The following LRMDA variants were observed in gnomAD, a reference collection of about 807,000 sequenced individuals.
LRMDA encodes the protein leucine-rich melanocyte differentiation-associated protein.
Under a neutral mutation model 29.8 loss-of-function variants are expected in LRMDA, and 18 were observed. The ratio of observed to expected loss-of-function variants is 0.60; its 90% CI spans 0.42 to 0.90. The LOEUF is 0.90. LRMDA is among the 40% of genes least tolerant of loss of function. The pLI is 0.00. For missense variants in LRMDA, 273 were observed against 273.9 expected (o/e 1.00, Z 0.02); for synonymous variants, 125 against 109.4 (o/e 1.14, Z -0.89).
At chr10:76,110,357 A>G (rs973428490) in intron 5 of LRMDA, among the ~76,000 whole-genome samples, 2 of 152,190 alleles carry the variant, frequency 1.3e-5, no homozygotes, top group African/African-American at 4.8e-5. Context: ...CTGGACTATT[A>G]TAGTCCCCAA....
chr10:76,040,005 C>T (rs898466165), intron 3 of LRMDA, among the ~76,000 whole-genome samples: 12 of 152,242 alleles, frequency 7.9e-5, no homozygotes, highest in South Asian at 2.1e-4. Context: ...AATGGCATTC[C>T]GTGAGTTGGG....
At chr10:75,659,507 A>C (rs1370904021) in intron 2 of LRMDA, among the ~76,000 whole-genome samples, 1 of 152,202 alleles carries the variant, frequency 6.6e-6, no homozygotes, top group African/African-American at 2.4e-5. Flanking sequence ...AACACAGATG[A>C]ACCTGGAGGA....
At chr10:76,053,262 G>A (rs1848559492) in intron 4 of LRMDA, among the ~76,000 whole-genome samples, 2 of 152,138 alleles carry the variant, frequency 1.3e-5, no homozygotes, top group Admixed American at 1.3e-4. Flanking sequence ...AGCTGACAGA[G>A]GGATGTCATC....
At chr10:75,605,726 G>T (rs1840947755) in intron 2 of LRMDA, among the ~76,000 whole-genome samples, 1 of 152,230 alleles carries the variant, frequency 6.6e-6, no homozygotes, top group South Asian at 2.1e-4. Flanking sequence ...TCATGGTGAA[G>T]CTGGGACAGA....
intron 5 of LRMDA, among the ~76,000 whole-genome samples, chr10:76,140,006 T>G (rs2132148524): frequency 6.6e-6 from 1 of 152,220 alleles, no homozygotes; most frequent in South Asian, 2.1e-4. Flanking sequence ...TGACCCTGTT[T>G]GTGTCATCTT....
intron 6 of LRMDA, among the ~76,000 whole-genome samples, chr10:76,536,956 A>G (rs1398473839): frequency 6.6e-6 from 1 of 152,174 alleles, no homozygotes; most frequent in Non-Finnish European, 1.5e-5. Context: ...TTCTATATTA[A>G]TTAGCTGTCA....
intron 6 of LRMDA, among the ~76,000 whole-genome samples, chr10:76,487,841 C>G (rs1392253517): frequency 6.6e-6 from 1 of 151,862 alleles, no homozygotes; most frequent in Non-Finnish European, 1.5e-5. Context: ...GTGTTCTAGA[C>G]TCTATGCTTT....
intron 6 of LRMDA, among the ~76,000 whole-genome samples, chr10:76,544,960 G>A (rs1489637308): frequency 6.6e-6 from 1 of 152,072 alleles, no homozygotes; most frequent in Non-Finnish European, 1.5e-5. Context: ...TTCAGAGAAA[G>A]CAATTTAGGG....
intron 5 of LRMDA, among the ~76,000 whole-genome samples, chr10:76,180,668 C>G (rs1305987392): frequency 1.7e-4 from 26 of 152,100 alleles, no homozygotes; most frequent in Non-Finnish European, 3.4e-4. Flanking sequence ...AATGCCTGAA[C>G]CCCAGAATGG....
chr10:75,579,760 G>T (rs1488252722), intron 2 of LRMDA, among the ~76,000 whole-genome samples: 1 of 152,230 alleles, frequency 6.6e-6, no homozygotes, highest in Non-Finnish European at 1.5e-5. Flanking sequence ...TGCAAGGCTA[G>T]TTCAACATAC....
chr10:76,061,254 A>G (rs988641070), intron 5 of LRMDA, among the ~76,000 whole-genome samples: 2 of 152,206 alleles, frequency 1.3e-5, no homozygotes, highest in African/African-American at 4.8e-5. Context: ...CATTATTCTT[A>G]GCAAACTAAT....
At chr10:75,915,085 C>A (rs145411457) in intron 2 of LRMDA, among the ~76,000 whole-genome samples, 177 of 144,322 alleles carry the variant, frequency 1.2e-3, no homozygotes, top group African/African-American at 4.4e-3. Context: ...AAGTTTAAAG[C>A]TGAAGAGGCC....
At chr10:75,669,558 A>G (rs1564535511) in intron 2 of LRMDA, among the ~76,000 whole-genome samples, 1 of 152,228 alleles carries the variant, frequency 6.6e-6, no homozygotes, top group South Asian at 2.1e-4. Context: ...CCTTGACAGT[A>G]CTTTAGACTT....
intron 2 of LRMDA, among the ~76,000 whole-genome samples, chr10:76,010,366 G>A (rs1269510964): frequency 1.3e-5 from 2 of 148,702 alleles, no homozygotes; most frequent in Non-Finnish European, 3.0e-5. Flanking sequence ...AGGCTGGAGT[G>A]CAATGGTTCA....
chr10:76,141,610 C>A (rs936344712), intron 5 of LRMDA, among the ~76,000 whole-genome samples: 1 of 152,084 alleles, frequency 6.6e-6, no homozygotes, highest in Non-Finnish European at 1.5e-5. Context: ...AGATCAGTTC[C>A]ATTCCAGCCA....
intron 5 of LRMDA, among the ~76,000 whole-genome samples, chr10:76,214,560 G>A (rs1267545995): frequency 6.6e-6 from 1 of 151,882 alleles, no homozygotes; most frequent in African/African-American, 2.4e-5. Context: ...TAGCCAGGAT[G>A]GTCTCGATCT....
chr10:75,974,968 A>G (rs966536700), intron 2 of LRMDA, among the ~76,000 whole-genome samples: 1 of 152,252 alleles, frequency 6.6e-6, no homozygotes, highest in African/African-American at 2.4e-5. Context: ...AGGAAGATGG[A>G]TGCTTTAATG....
chr10:76,102,276 G>A (rs1849406444), intron 5 of LRMDA, among the ~76,000 whole-genome samples: 1 of 152,058 alleles, frequency 6.6e-6, no homozygotes, highest in African/African-American at 2.4e-5. Flanking sequence ...TTTTAGATGT[G>A]CAGGTTTTTT....
At chr10:75,770,560 A>G (rs1305110348) in intron 2 of LRMDA, among the ~76,000 whole-genome samples, 1 of 152,244 alleles carries the variant, frequency 6.6e-6, no homozygotes, top group Non-Finnish European at 1.5e-5. Context: ...CATCACTAAC[A>G]GCTTCTTTTG....
Sources: gnomAD v4.1 joint callset for allele counts (sites outside exome capture counted in the v4.1 genomes callset) on GRCh38, gnomAD v4.1.1 for gene constraint, MANE v1.5 for transcripts, NCBI Gene and HGNC (gene_info 2026-07-23, HGNC 2026-07-21) for gene names.